ACAP2: variants seen among roughly 807,000 people sequenced by gnomAD.
The protein encoded by ACAP2 is arf-GAP with coiled-coil, ANK repeat and PH domain-containing protein 2.
Under a neutral mutation model 115.8 loss-of-function variants are expected in ACAP2, and 39 were observed. The observed-to-expected ratio is 0.34, with a 90% CI of 0.26 to 0.44. The LOEUF is 0.44. Among genes scored for constraint, ACAP2 ranks in the 20% least tolerant of loss-of-function variants. The pLI, the probability that ACAP2 is intolerant of heterozygous loss-of-function variation, is 1.00. For synonymous variants in ACAP2, 289 were observed against 315.8 expected (o/e 0.92, Z 0.90); for missense variants, 662 against 927.6 (o/e 0.71, Z 3.72).
In ACAP2 at chr3:195,333,097, C is replaced by T. The variant is rs372779824; in HGVS notation, c.600G>A (p.Leu200=). 79 of 1,606,936 alleles carry T rather than the reference C, an allele frequency of 4.9e-5. No homozygotes were observed. Among genetic ancestry groups the T allele is most frequent in the Non-Finnish European group, 6.5e-5 (77 of 1,176,780 alleles). The change falls in exon 8 of 23, where the codon TTG becomes TTA. Residue 200 remains leucine, a synonymous_variant. Coordinates refer to ENST00000326793, the MANE Select transcript of ACAP2 (RefSeq NM_012287.6). The part of the protein sequence containing the change: ...KSMLSFMYAH[L]AFFHQGYDLF... The stretch of plus-strand genomic sequence containing the variant: ...GATCATATCCTTGATGAAAGAAGGC[C>T]AAATGGGCATACATAAATGACAACA...
intron 1 of ACAP2, among the ~76,000 whole-genome samples, chr3:195,397,279 GTACC>G: frequency 6.6e-6 from 1 of 152,212 alleles, no homozygotes; most frequent in East Asian, 1.9e-4. Context: ...ACAGCCTTAT[GTACC>G]TTGGGCAATG....
rs535209837 is a variant in ACAP2 at position 195,437,814 on chromosome 3, C to CAAA, written c.53+4978_53+4980dup. ...TGGGCGACAGTGTGAGACTCTGTCT[C>CAAA]AAAAAAAAAAAAAAAAAAAAGCAAA... is the stretch of plus-strand genomic sequence containing the variant. On this transcript the variant is annotated intron_variant, in intron 1 of 22. Transcript: ENST00000326793. Among the ~76,000 whole-genome samples, 4 of 36,370 alleles carry CAAA rather than the reference C, an allele frequency of 1.1e-4. 1 individual carries two copies. Among genetic ancestry groups the CAAA allele is most frequent in the African/African-American group, 1.9e-4 (2 of 10,756 alleles). 23.9% of individuals were successfully genotyped at this position (36,370 alleles called of 152,430 possible). A position where few individuals can be genotyped will look rare whatever the true frequency, so the allele number is the denominator to read the frequency against.
At chr3:195,349,274 GAGTTTGAGACC>G (rs1370648892) in intron 4 of ACAP2, among the ~76,000 whole-genome samples, 1 of 152,096 alleles carries the variant, frequency 6.6e-6, no homozygotes, top group Admixed American at 6.5e-5. Flanking sequence ...CTGAGGTCGG[GAGTTTGAGACC>G]AGCCTGACCA....
At chr3:195,306,954 A>G (rs954417311) in intron 12 of ACAP2, 1 of 357,532 alleles carries the variant, frequency 2.8e-6, no homozygotes, top group Non-Finnish European at 5.0e-6. Context: ...AAAGAAACTC[A>G]TATGATTTCA....
chr3:195,403,980 G>C (rs1486202881), intron 1 of ACAP2, among the ~76,000 whole-genome samples: 4 of 152,276 alleles, frequency 2.6e-5, no homozygotes, highest in Middle Eastern at 3.4e-3. Flanking sequence ...GGGGCATTTT[G>C]ACATTAAAGG....
intron 1 of ACAP2, among the ~76,000 whole-genome samples, chr3:195,414,202 T>G (rs1713526909): frequency 6.6e-6 from 1 of 152,180 alleles, no homozygotes; most frequent in Non-Finnish European, 1.5e-5. Context: ...CTCTCATTCT[T>G]TGCTGATGGG....
At chr3:195,385,854 T>C (rs1056981293) in intron 2 of ACAP2, among the ~76,000 whole-genome samples, 1 of 152,142 alleles carries the variant, frequency 6.6e-6, no homozygotes, top group Non-Finnish European at 1.5e-5. Flanking sequence ...CTTAAAATAG[T>C]GGAGAATTCT....
In ACAP2 at chr3:195,303,077, G is replaced by A. The variant is rs181565788; in HGVS notation, c.1117-903C>T. ...AAAAATACAAAAAAATTAGCTGGGC[G>A]TGGTGGCGCACACCTGTGATCCCAG... On this transcript the variant is annotated intron_variant, in intron 13 of 22. Transcript: ENST00000326793. 1.5e-3 allele frequency among the ~76,000 whole-genome samples: 228 copies of A among 152,276 alleles called. 1 individual carries two copies. Among genetic ancestry groups the A allele is most frequent in the African/African-American group, 4.6e-3 (191 of 41,564 alleles).
intron 1 of ACAP2, among the ~76,000 whole-genome samples, chr3:195,397,770 A>C (rs1166303355): frequency 6.6e-6 from 1 of 152,194 alleles, no homozygotes; most frequent in African/African-American, 2.4e-5. Context: ...TGAAAACACT[A>C]AGTAGTCAGT....
intron 9 of ACAP2, among the ~76,000 whole-genome samples, chr3:195,326,010 T>C (rs1560245569): frequency 6.6e-6 from 1 of 152,198 alleles, no homozygotes; most frequent in African/African-American, 2.4e-5. Context: ...TAATCCATCA[T>C]CAATTAAATT....
chr3:195,382,121 G>A, intron 2 of ACAP2, 99 bp from the exon 3 acceptor site: 2 of 1,084,730 alleles, frequency 1.8e-6, no homozygotes, highest in Non-Finnish European at 2.6e-6. Flanking sequence ...ACCTAGTTAA[G>A]TTCAATTTGT....
intron 1 of ACAP2, among the ~76,000 whole-genome samples, chr3:195,409,727 T>A (rs1329543459): frequency 6.6e-6 from 1 of 151,346 alleles, no homozygotes; most frequent in Non-Finnish European, 1.5e-5. Context: ...AATACAAAAA[T>A]TAGCTGGGTG....
intron 10 of ACAP2, among the ~76,000 whole-genome samples, chr3:195,315,279 C>G (rs1278690263): frequency 6.6e-6 from 1 of 152,220 alleles, no homozygotes; most frequent in Non-Finnish European, 1.5e-5. Flanking sequence ...CCTTGGCCTC[C>G]CAAACTGCTG....
intron 2 of ACAP2, among the ~76,000 whole-genome samples, chr3:195,389,098 A>G (rs1447780018): frequency 1.3e-5 from 2 of 152,004 alleles, no homozygotes; most frequent in Non-Finnish European, 1.5e-5. Flanking sequence ...TAACTATGGA[A>G]CTTTAGTGCG....
At chr3:195,425,316 G>A (rs1714600073) in intron 1 of ACAP2, among the ~76,000 whole-genome samples, 2 of 152,118 alleles carry the variant, frequency 1.3e-5, no homozygotes, top group African/African-American at 4.8e-5. Flanking sequence ...GACCCCAGGT[G>A]TCATATATTA....
intron 4 of ACAP2, among the ~76,000 whole-genome samples, chr3:195,371,337 G>A (rs1458072590): frequency 1.3e-5 from 2 of 152,134 alleles, no homozygotes; most frequent in African/African-American, 4.8e-5. Context: ...TCAGGATTGT[G>A]TTCCTGAATT....
intron 9 of ACAP2, 43 bp downstream of exon 9, chr3:195,326,842 T>C (rs371555912): frequency 2.5e-5 from 38 of 1,540,178 alleles, no homozygotes; most frequent in Admixed American, 8.4e-5. Context: ...ACCCAAGCCA[T>C]TGTATAAAGT....
intron 4 of ACAP2, among the ~76,000 whole-genome samples, chr3:195,354,531 GT>G (rs1323744107): frequency 6.6e-6 from 1 of 151,998 alleles, no homozygotes; most frequent in Non-Finnish European, 1.5e-5. Context: ...ATGGGGTTGT[GT>G]TTTTCTTTAT....
intron 10 of ACAP2, among the ~76,000 whole-genome samples, chr3:195,318,046 C>T (rs763070545): frequency 2.6e-5 from 4 of 152,090 alleles, no homozygotes; most frequent in Non-Finnish European, 4.4e-5. Context: ...TGAGGGAGTT[C>T]TTAGGAGATC....
Sources: gnomAD v4.1 joint callset for allele counts (sites outside exome capture counted in the v4.1 genomes callset) on GRCh38, gnomAD v4.1.1 for gene constraint, MANE v1.5 for transcripts, NCBI Gene and HGNC (gene_info 2026-07-23, HGNC 2026-07-21) for gene names.